Variants in ESRRG observed in about 807,000 individuals in gnomAD.
ESRRG encodes estrogen related receptor gamma.
ESRRG carries 13 observed loss-of-function variants against 44.0 expected under a neutral mutation model. The ratio of observed to expected loss-of-function variants is 0.30; its 90% CI spans 0.19 to 0.47. The LOEUF (loss-of-function observed/expected upper bound fraction) is 0.47. Among genes scored for constraint, ESRRG ranks in the 20% least tolerant of loss-of-function variants. The pLI is 1.00. For synonymous variants in ESRRG, 215 were observed against 214.6 expected (o/e 1.00, Z -0.02); for missense variants, 395 against 580.6 (o/e 0.68, Z 3.29).
chr1:217,057,737 C>T (rs2087437956), intron 1 of ESRRG, among the ~76,000 whole-genome samples: 1 of 152,158 alleles, frequency 6.6e-6, no homozygotes, highest in Non-Finnish European at 1.5e-5. Flanking sequence ...GTCCAACTCA[C>T]AGCCTGTGGG....
intron 2 of ESRRG, among the ~76,000 whole-genome samples, chr1:216,654,919 TG>T (rs1268296810): frequency 1.3e-5 from 2 of 152,170 alleles, no homozygotes; most frequent in Non-Finnish European, 2.9e-5. Context: ...GGAGCTACAT[TG>T]GAGAAAATAT....
intron 1 of ESRRG, among the ~76,000 whole-genome samples, chr1:216,942,836 A>G (rs935620098): frequency 1.3e-5 from 2 of 152,198 alleles, no homozygotes; most frequent in African/African-American, 4.8e-5. Context: ...TGCATAGTTT[A>G]CAAATATTTT....
In ESRRG at chr1:216,779,295, TATTTATAAACA is replaced by T. The variant is rs1271930064; in HGVS notation, c.-13-101815_-13-101805del. Among the ~76,000 whole-genome samples the T allele has an allele frequency of 2.0e-3, 112 of 54,938 alleles. 1 individual carries two copies. The highest frequency in any genetic ancestry group is 6.2e-3 in the African/African-American group (74 of 12,022). 36.0% of individuals were successfully genotyped at this position (54,938 alleles called of 152,430 possible). ...TTTATATTTATAAACATTATATTTA[TATTTATAAACA>T]TTATATTTATAAATATAAATATATA... On this transcript the variant is annotated intron_variant, in intron 2 of 7. Transcript: ENST00000359162.
rs2095847527 is a variant in ESRRG at position 216,851,830 on chromosome 1, A to C, written c.-14+87752T>G. 1.3e-5 allele frequency among the ~76,000 whole-genome samples: 2 copies of C among 152,224 alleles called. 1 individual carries two copies. The highest frequency in any genetic ancestry group is 4.1e-4 in the South Asian group (2 of 4,836). On this transcript the variant is annotated intron_variant, in intron 2 of 7. Coordinates refer to the ESRRG transcript ENST00000359162. Reference sequence around the variant, plus strand: ...AACATTATAGAAATAAACAAGACCAATCAAACAAATATTAGGAAACTGGTA... The same window carrying C: ...AACATTATAGAAATAAACAAGACCACTCAAACAAATATTAGGAAACTGGTA...
chr1:216,547,462 G>T (rs907558379), intron 5 of ESRRG, among the ~76,000 whole-genome samples: 3 of 151,646 alleles, frequency 2.0e-5, no homozygotes, highest in Admixed American at 6.6e-5. Flanking sequence ...ATGCTATCAA[G>T]TATTTAAAAC....
intron 2 of ESRRG, among the ~76,000 whole-genome samples, chr1:216,657,830 ATGAGG>A (rs1234545931): frequency 6.6e-6 from 1 of 152,146 alleles, no homozygotes; most frequent in African/African-American, 2.4e-5. Context: ...CCCATAAAAA[ATGAGG>A]TGGGGGAGAG....
At chr1:216,557,205 G>T (rs1189282416) in intron 5 of ESRRG, among the ~76,000 whole-genome samples, 4 of 152,048 alleles carry the variant, frequency 2.6e-5, no homozygotes, top group Non-Finnish European at 4.4e-5. Context: ...GATTTTTATT[G>T]ATTTATAGGA....
chr1:217,093,657 G>C (rs2092382718), upstream of ESRRG, among the ~76,000 whole-genome samples: 1 of 151,802 alleles, frequency 6.6e-6, no homozygotes, highest in African/African-American at 2.4e-5. Flanking sequence ...GGTGGCATGT[G>C]CCTGTTGTCC....
chr1:217,066,030 A>G (rs183761937), intron 1 of ESRRG, among the ~76,000 whole-genome samples: 179 of 152,296 alleles, frequency 1.2e-3, no homozygotes, highest in Middle Eastern at 0.01. Context: ...GCTTTGAGGA[A>G]TAGCTGAATT....
At chr1:216,845,282 G>C (rs1407069973) in intron 2 of ESRRG, among the ~76,000 whole-genome samples, 1 of 152,116 alleles carries the variant, frequency 6.6e-6, no homozygotes, top group Non-Finnish European at 1.5e-5. Context: ...ATAAATATTT[G>C]TTAAATGTGT....
chr1:216,852,353 T>C (rs12086350), intron 2 of ESRRG, among the ~76,000 whole-genome samples: 5,107 of 152,236 alleles, frequency 0.034, 303 homozygotes, highest in African/African-American at 0.11. Context: ...GAGCAGGACA[T>C]TGTATAGGAA....
At chr1:216,843,869 CTTT>C (rs10712887) in intron 2 of ESRRG, among the ~76,000 whole-genome samples, 7 of 144,006 alleles carry the variant, frequency 4.9e-5, no homozygotes, top group African/African-American at 1.5e-4. Context: ...TTCTTTCTTC[CTTT>C]TTTTTTTTTT....
At chr1:216,655,322 C>A (rs1241135397) in intron 2 of ESRRG, among the ~76,000 whole-genome samples, 2 of 151,980 alleles carry the variant, frequency 1.3e-5, no homozygotes, top group African/African-American at 4.8e-5. Flanking sequence ...ATAAACAATA[C>A]ATTTTAGTGG....
At chr1:217,114,592 A>T (rs1042899133) in intron 1 of ESRRG, among the ~76,000 whole-genome samples, 1 of 151,732 alleles carries the variant, frequency 6.6e-6, no homozygotes, top group Non-Finnish European at 1.5e-5. Context: ...ACCTAAATTC[A>T]GTTTATCTGC....
intron 3 of ESRRG, among the ~76,000 whole-genome samples, chr1:216,599,059 AG>A (rs1437986300): frequency 1.3e-5 from 2 of 152,226 alleles, no homozygotes; most frequent in Non-Finnish European, 2.9e-5. Context: ...TAGTTAAAAA[AG>A]AAGATTATCT....
chr1:216,984,051 G>C (rs1002915318), intron 1 of ESRRG, among the ~76,000 whole-genome samples: 3 of 149,098 alleles, frequency 2.0e-5, no homozygotes, highest in South Asian at 4.4e-4. Context: ...ATAAGAATGG[G>C]GGGGGGTATG....
At chr1:216,657,878 T>C (rs1167048487) in intron 2 of ESRRG, among the ~76,000 whole-genome samples, 3 of 152,158 alleles carry the variant, frequency 2.0e-5, no homozygotes, top group Non-Finnish European at 2.9e-5. Flanking sequence ...GCAGGTTGGT[T>C]CTTTAGCATT....
intron 2 of ESRRG, among the ~76,000 whole-genome samples, chr1:216,922,634 G>A (rs1164989568): frequency 1.3e-5 from 2 of 152,088 alleles, no homozygotes; most frequent in Non-Finnish European, 2.9e-5. Flanking sequence ...TTTCAACTTT[G>A]GTCCCCGAGT....
At chr1:216,653,816 G>A (rs1026028227) in intron 2 of ESRRG, among the ~76,000 whole-genome samples, 1 of 151,980 alleles carries the variant, frequency 6.6e-6, no homozygotes, top group African/African-American at 2.4e-5. Context: ...TTCTAATGCA[G>A]TATAAAAACC....
Sources: gnomAD v4.1 joint callset for allele counts (sites outside exome capture counted in the v4.1 genomes callset) on GRCh38, gnomAD v4.1.1 for gene constraint, MANE v1.5 for transcripts, NCBI Gene and HGNC (gene_info 2026-07-23, HGNC 2026-07-21) for gene names.